The following PLCE1 variants were observed in gnomAD, a reference collection of about 807,000 sequenced individuals.
PLCE1 encodes the protein 1-phosphatidylinositol 4,5-bisphosphate phosphodiesterase epsilon-1.
A neutral mutation model predicts 242.8 loss-of-function variants in PLCE1; 119 were observed. That is an observed-to-expected ratio of 0.49 (90% CI 0.42 to 0.57). PLCE1 has a LOEUF of 0.57. Among genes scored for constraint, PLCE1 ranks in the 20% least tolerant of loss-of-function variants. PLCE1 has a pLI of 0.00. For synonymous variants in PLCE1, 945 were observed against 1,017.4 expected (o/e 0.93, Z 1.35); for missense variants, 2,441 against 2,788.8 (o/e 0.88, Z 2.81).
chr10:94,179,521 T>TGTTTTTTGTTTTTTTG (rs67919831), intron 4 of PLCE1, among the ~76,000 whole-genome samples: 4 of 84,676 alleles, frequency 4.7e-5, no homozygotes, highest in East Asian at 2.7e-4. Flanking sequence ...AGTTTTTTTT[T>TGTTTTTTGTTTTTTTG]TTTTTTTTTG....
intron 2 of PLCE1, among the ~76,000 whole-genome samples, chr10:94,058,706 G>A (rs2043970473): frequency 6.6e-6 from 1 of 152,040 alleles, no homozygotes; most frequent in Non-Finnish European, 1.5e-5. Context: ...ACCTGTCTAG[G>A]ATGCTAATTC....
intron 3 of PLCE1, among the ~76,000 whole-genome samples, chr10:94,166,103 T>A (rs1328766523): frequency 1.3e-5 from 2 of 152,214 alleles, no homozygotes; most frequent in Non-Finnish European, 2.9e-5. Context: ...TTGTTTGGTG[T>A]TCACTGGACA....
chr10:94,300,969 C>T (rs946649164), intron 24 of PLCE1, among the ~76,000 whole-genome samples: 3 of 150,478 alleles, frequency 2.0e-5, no homozygotes, highest in African/African-American at 2.5e-5. Flanking sequence ...GAAGGCTGAG[C>T]GGGAAGCAGA....
chr10:94,201,428 T>C (rs1721782750), intron 4 of PLCE1, among the ~76,000 whole-genome samples: 1 of 152,190 alleles, frequency 6.6e-6, no homozygotes, highest in African/African-American at 2.4e-5. Context: ...GGTTGCAGCA[T>C]TTGCCCCACT....
Position 94,293,540 on chromosome 10 carries a change from A to G in PLCE1, c.5068A>G (p.Arg1690Gly). 6.2e-7 allele frequency: 1 copy of G among 1,613,914 alleles called. No homozygotes were observed. Among genetic ancestry groups the G allele is most frequent in the Non-Finnish European group, 8.5e-7 (1 of 1,179,826 alleles). The change falls in exon 23 of 33, where the codon AGA becomes GGA. Residue 1690 changes from arginine (R) to glycine (G), a missense_variant. By Grantham distance (125) the Arg-to-Gly change is moderately radical (BLOSUM62 -2). Transcript: ENST00000371380. The stretch of plus-strand genomic sequence containing the variant: ...AACTCTAAATGCATCTGGCTCTAGC[A>G]GAGGAAAAGAAAGGAAAAGCAGGAA... ...LSTLNASGSS[R>G]GKERKSRKSI...
At chr10:94,236,365 A>T (rs1381079130) in intron 7 of PLCE1, among the ~76,000 whole-genome samples, 1 of 147,632 alleles carries the variant, frequency 6.8e-6, no homozygotes, top group Non-Finnish European at 1.5e-5. Flanking sequence ...TTACCCCTTT[A>T]AAAAAAAAAC....
At chr10:94,059,780 C>G (rs906822266) in intron 2 of PLCE1, among the ~76,000 whole-genome samples, 1 of 152,156 alleles carries the variant, frequency 6.6e-6, no homozygotes, top group African/African-American at 2.4e-5. Flanking sequence ...ATTAGTGTTT[C>G]AAAACATCTG....
chr10:94,313,408 A>G (rs1564887727), intron 28 of PLCE1, 26 bp downstream of exon 28: 24 of 1,613,898 alleles, frequency 1.5e-5, no homozygotes, highest in Non-Finnish European at 2.0e-5. Flanking sequence ...CGTGGTTGGG[A>G]GAATCCAAAA....
chr10:94,231,506 T>C (rs2050141821), intron 5 of PLCE1, among the ~76,000 whole-genome samples: 1 of 152,096 alleles, frequency 6.6e-6, no homozygotes, highest in South Asian at 2.1e-4. Flanking sequence ...GATCCTGTAG[T>C]TTTCCAGTCA....
In PLCE1 at chr10:94,136,260, T is replaced by C. The variant is rs143506535; in HGVS notation, c.1492+3801T>C. ...GGGCAATGGGAATGGGGAGTTAGTG[T>C]TTACGGGCTATAGAGTTTCTGTTTT... is the stretch of plus-strand genomic sequence containing the variant. On this transcript the variant is annotated intron_variant, in intron 3 of 32. Transcript: ENST00000371380. 6.9e-4 allele frequency among the ~76,000 whole-genome samples: 105 copies of C among 152,254 alleles called. 2 individuals carry two copies. The East Asian group carries it at 0.019, about 28-fold the overall frequency.
In PLCE1 at chr10:94,324,493, G is replaced by A. The variant is rs1032268249; in HGVS notation, c.6646G>A (p.Glu2216Lys). 3 of 1,614,100 alleles carry A rather than the reference G, an allele frequency of 1.9e-6. No individual in the cohort carries two copies. The highest frequency in any genetic ancestry group is 2.2e-5 in the South Asian group (2 of 91,084). ...CTCTCAGCGGGTCCTTCTGGATCAG[G>A]AGTGTGTGTTTCAAGCCCAAAGCAA... The part of the protein sequence containing the change: ...KSSQRVLLDQ[E>K]CVFQAQSKWK... The change falls in exon 31 of 33, where the codon GAG (glutamate) becomes AAG (lysine). Residue 2216 changes from glutamate to lysine, a missense_variant. Coordinates refer to ENST00000371380, the MANE Select transcript of PLCE1 (RefSeq NM_016341.4).
At chr10:94,294,398 C>G (rs2052737971) in intron 23 of PLCE1, among the ~76,000 whole-genome samples, 1 of 152,122 alleles carries the variant, frequency 6.6e-6, no homozygotes, top group Non-Finnish European at 1.5e-5. Context: ...CCAGAAGTAA[C>G]CACTATTAAA....
chr10:94,207,852 G>C (rs77380620), intron 4 of PLCE1, among the ~76,000 whole-genome samples: 1 of 152,084 alleles, frequency 6.6e-6, no homozygotes, highest in African/African-American at 2.4e-5. Flanking sequence ...TAAATAAAGC[G>C]AGTAATGGAT....
At chr10:94,279,366 G>A (rs1300935968) in intron 19 of PLCE1, 2 of 240,584 alleles carry the variant, frequency 8.3e-6, no homozygotes, top group Admixed American at 1.0e-4. Flanking sequence ...AAGGTCAGGA[G>A]CCTGTAGATA....
At chr10:94,179,048 T>C (rs1227906421) in intron 4 of PLCE1, among the ~76,000 whole-genome samples, 1 of 152,138 alleles carries the variant, frequency 6.6e-6, no homozygotes, top group East Asian at 1.9e-4. Context: ...AAATTTCAGC[T>C]CACTTTGGAA....
intron 24 of PLCE1, among the ~76,000 whole-genome samples, chr10:94,303,982 G>C (rs1261735563): frequency 1.3e-5 from 2 of 151,982 alleles, no homozygotes; most frequent in African/African-American, 4.8e-5. Context: ...ATATATTCAG[G>C]GCAACTTGAA....
At chr10:94,206,708 G>A (rs570137145) in intron 4 of PLCE1, among the ~76,000 whole-genome samples, 28 of 152,284 alleles carry the variant, frequency 1.8e-4, no homozygotes, top group Admixed American at 3.3e-4. Flanking sequence ...TGAGGGGTTG[G>A]AACAGGCCAG....
chr10:94,107,548 CTTCCAAATGG>C (rs1380673145), intron 2 of PLCE1: 2 of 152,092 alleles, frequency 1.3e-5, no homozygotes, highest in African/African-American at 4.8e-5. Context: ...GTAAGTAGTA[CTTCCAAATGG>C]GGCTAGTAAA....
intron 14 of PLCE1, 49 bp from the exon 15 acceptor site, chr10:94,265,596 CCT>C: frequency 6.9e-7 from 1 of 1,453,394 alleles, no homozygotes; most frequent in South Asian, 1.1e-5. Flanking sequence ...TTTCTTTCCC[CCT>C]CTTAGTTTCC....
Sources: allele counts gnomAD v4.1 joint callset (sites outside exome capture counted in the v4.1 genomes callset), GRCh38; gene constraint gnomAD v4.1.1; transcripts MANE v1.5; gene names NCBI Gene and HGNC (gene_info 2026-07-23, HGNC 2026-07-21).